ARL15: variants seen among roughly 807,000 people sequenced by gnomAD.
ARL15 encodes ARF like GTPase 15.
Under a neutral mutation model 25.2 loss-of-function variants are expected in ARL15, and 19 were observed. That is an observed-to-expected ratio of 0.75 (90% CI 0.53 to 1.10). The LOEUF is 1.10. ARL15 is among the 50% of genes least tolerant of loss of function. The pLI is 0.00. For synonymous variants in ARL15, 94 were observed against 86.8 expected, an observed-to-expected ratio of 1.08 and a Z score of -0.46; for missense variants, 220 against 246.0, an observed-to-expected ratio of 0.89 and a Z score of 0.71.
intron 1 of ARL15, among the ~76,000 whole-genome samples, chr5:54,276,842 T>C (rs1424978192): frequency 6.6e-6 from 1 of 152,194 alleles, no homozygotes; most frequent in East Asian, 1.9e-4. Context: ...GGCCATGAGC[T>C]GAGGAATACA....
intron 4 of ARL15, among the ~76,000 whole-genome samples, chr5:53,902,382 T>A (rs2111943639): frequency 6.6e-6 from 1 of 152,340 alleles, no homozygotes; most frequent in Non-Finnish European, 1.5e-5. Context: ...AACAAAATAT[T>A]AGGGAGAATA....
intron 4 of ARL15, among the ~76,000 whole-genome samples, chr5:53,913,298 G>T (rs1346467593): frequency 6.6e-6 from 1 of 152,104 alleles, no homozygotes. Flanking sequence ...GTGATATTCT[G>T]TGTCAACAAA....
intron 4 of ARL15, among the ~76,000 whole-genome samples, chr5:53,920,661 A>ATAAATAAG (rs1745823561): frequency 6.7e-6 from 1 of 148,322 alleles, no homozygotes; most frequent in African/African-American, 2.5e-5. Context: ...TAATAAATAA[A>ATAAATAAG]TAAATAAATA....
chr5:53,991,468 G>GGAGGCGGAGGGTGCAGTGAGCT (rs1748490138), intron 4 of ARL15, among the ~76,000 whole-genome samples: 1 of 148,228 alleles, frequency 6.7e-6, no homozygotes. Flanking sequence ...CTTGAACCTG[G>GGAGGCGGAGGGTGCAGTGAGCT]GAGGCGGAGG....
chr5:54,097,144 G>C (rs574652589), intron 4 of ARL15, among the ~76,000 whole-genome samples: 4 of 152,100 alleles, frequency 2.6e-5, no homozygotes, highest in Non-Finnish European at 4.4e-5. Context: ...GTGAAACCTC[G>C]TCTGTACTAA....
intron 4 of ARL15, among the ~76,000 whole-genome samples, chr5:53,980,299 T>C (rs181921382): frequency 2.0e-4 from 30 of 152,354 alleles, no homozygotes; most frequent in Admixed American, 2.0e-4. Flanking sequence ...TGCTAAACAC[T>C]TAATTTGCAT....
intron 4 of ARL15, among the ~76,000 whole-genome samples, chr5:54,009,501 C>T (rs1057097702): frequency 3.3e-5 from 5 of 152,078 alleles, no homozygotes; most frequent in African/African-American, 9.7e-5. Flanking sequence ...ATTACATTTG[C>T]TAGGTAGGTA....
intron 1 of ARL15, among the ~76,000 whole-genome samples, chr5:54,214,018 T>C (rs963991722): frequency 2.6e-5 from 4 of 151,040 alleles, no homozygotes; most frequent in African/African-American, 9.8e-5. Flanking sequence ...CAGGCCAAAA[T>C]AGCAGTCCCA....
chr5:54,224,580 T>C (rs867860060), intron 1 of ARL15, among the ~76,000 whole-genome samples: 1 of 152,128 alleles, frequency 6.6e-6, no homozygotes, highest in South Asian at 2.1e-4. Flanking sequence ...GGCTCAACAT[T>C]CAGATACTGG....
chr5:54,066,236 C>T (rs1027592604), intron 4 of ARL15, among the ~76,000 whole-genome samples: 7 of 152,070 alleles, frequency 4.6e-5, no homozygotes, highest in African/African-American at 1.7e-4. Flanking sequence ...GGCCTAAGCC[C>T]CCATTTGCCA....
chr5:54,154,059 A>G (rs558186983), intron 3 of ARL15, among the ~76,000 whole-genome samples: 7 of 152,234 alleles, frequency 4.6e-5, no homozygotes, highest in African/African-American at 1.7e-4. Flanking sequence ...AAAATGCCAG[A>G]CAGAGAGTGT....
chr5:54,037,213 T>C (rs1750194227), intron 4 of ARL15, among the ~76,000 whole-genome samples: 1 of 152,086 alleles, frequency 6.6e-6, no homozygotes, highest in South Asian at 2.1e-4. Flanking sequence ...TAAGCAAAGT[T>C]GTCTCCAAGT....
intron 4 of ARL15, among the ~76,000 whole-genome samples, chr5:54,010,439 A>G (rs969340563): frequency 2.0e-5 from 3 of 152,240 alleles, no homozygotes; most frequent in African/African-American, 7.2e-5. Context: ...CTAGAGAGTT[A>G]GTTAACAAGA....
chr5:54,034,652 A>T (rs1750109451), intron 4 of ARL15, among the ~76,000 whole-genome samples: 1 of 151,964 alleles, frequency 6.6e-6, no homozygotes, highest in South Asian at 2.1e-4. Flanking sequence ...AAAGAAATAC[A>T]CTTAAAAACA....
chr5:54,178,145 C>A (rs1754939341), intron 1 of ARL15, among the ~76,000 whole-genome samples: 2 of 152,196 alleles, frequency 1.3e-5, no homozygotes. Context: ...AGACGAGAAT[C>A]TAGCTCAAAA....
At chr5:54,038,047 T>G (rs1199035193) in intron 4 of ARL15, among the ~76,000 whole-genome samples, 1 of 152,128 alleles carries the variant, frequency 6.6e-6, no homozygotes, top group Non-Finnish European at 1.5e-5. Context: ...AAATCATACT[T>G]TAATTGCCAA....
In ARL15 at chr5:54,046,643, A is replaced by G. The variant is rs557288264; in HGVS notation, c.462+66559T>C. 5.9e-5 allele frequency among the ~76,000 whole-genome samples: 9 copies of G among 152,358 alleles called. No individual in the cohort carries two copies. The South Asian group carries it at 1.9e-3, about 32-fold the overall frequency. The stretch of plus-strand genomic sequence containing the variant: ...CCAGATTAATGATAGAGGCAACAGA[A>G]TGTCCTAGGGATTTGGAGAGGGAGA... On this transcript the variant is annotated intron_variant, in intron 4 of 4. Transcript: ENST00000504924.
At chr5:54,053,502 AAAAT>A (rs1315802566) in intron 4 of ARL15, among the ~76,000 whole-genome samples, 1 of 152,176 alleles carries the variant, frequency 6.6e-6, no homozygotes. Context: ...AAAAAAAATA[AAAAT>A]AAAAAAGAGT....
intron 4 of ARL15, among the ~76,000 whole-genome samples, chr5:54,105,051 T>C (rs1752548228): frequency 6.6e-6 from 1 of 151,142 alleles, no homozygotes; most frequent in South Asian, 2.1e-4. Context: ...ATAATAATGA[T>C]AATAATTATC....
Sources: gnomAD v4.1 joint callset for allele counts (sites outside exome capture counted in the v4.1 genomes callset) on GRCh38, gnomAD v4.1.1 for gene constraint, MANE v1.5 for transcripts, NCBI Gene and HGNC (gene_info 2026-07-23, HGNC 2026-07-21) for gene names.